FBXL7: variants seen among roughly 807,000 people sequenced by gnomAD.
The protein encoded by FBXL7 is F-box and leucine rich repeat protein 7, also known as F-box/LRR-repeat protein 7.
Under a neutral mutation model 38.3 loss-of-function variants are expected in FBXL7, and 12 were observed. The observed-to-expected ratio is 0.31, with a 90% CI of 0.20 to 0.51. FBXL7 has a LOEUF of 0.51. FBXL7 is among the 20% of genes least tolerant of loss of function. FBXL7 has a pLI of 0.98. For synonymous variants in FBXL7, 297 were observed against 300.9 expected (o/e 0.99, Z 0.13); for missense variants, 567 against 676.4 (o/e 0.84, Z 1.79).
chr5:15,643,947 A>T (rs1486407449), intron 2 of FBXL7, among the ~76,000 whole-genome samples: 2 of 152,176 alleles, frequency 1.3e-5, no homozygotes, highest in East Asian at 3.9e-4. Context: ...TAAAGCCAAG[A>T]TAAATGATTT....
At chr5:15,765,676 C>T (rs1054624070) in intron 2 of FBXL7, among the ~76,000 whole-genome samples, 1 of 152,156 alleles carries the variant, frequency 6.6e-6, no homozygotes, top group Non-Finnish European at 1.5e-5. Context: ...GGGTAAGTGG[C>T]ACCATGCTTC....
chr5:15,612,711 C>T (rs544729591), intron 1 of FBXL7, among the ~76,000 whole-genome samples: 2 of 152,070 alleles, frequency 1.3e-5, no homozygotes, highest in Non-Finnish European at 2.9e-5. Flanking sequence ...AAAATGTGCC[C>T]GATACAGTCA....
chr5:15,760,959 A>G (rs1309695483), intron 2 of FBXL7, among the ~76,000 whole-genome samples: 1 of 152,150 alleles, frequency 6.6e-6, no homozygotes, highest in Non-Finnish European at 1.5e-5. Flanking sequence ...AAGCAGTCCC[A>G]TATTTCAGAG....
chr5:15,616,567 A>G (rs76684306), intron 2 of FBXL7, among the ~76,000 whole-genome samples: 6,880 of 152,236 alleles, frequency 0.045, 237 homozygotes, highest in African/African-American at 0.078. Flanking sequence ...TTATTAAAGA[A>G]TATGTAAGAG....
At chr5:15,739,814 A>T (rs538416650) in intron 2 of FBXL7, among the ~76,000 whole-genome samples, 1 of 152,158 alleles carries the variant, frequency 6.6e-6, no homozygotes, top group Non-Finnish European at 1.5e-5. Context: ...TTTTGGCTTT[A>T]ATGAGTATTA....
intron 2 of FBXL7, among the ~76,000 whole-genome samples, chr5:15,621,888 T>G (rs558501684): frequency 4.3e-4 from 65 of 152,350 alleles, no homozygotes; most frequent in Non-Finnish European, 3.4e-4. Context: ...TGTCAATTTT[T>G]GGATCCAATA....
intron 2 of FBXL7, among the ~76,000 whole-genome samples, chr5:15,779,555 G>A (rs1387969991): frequency 6.6e-6 from 1 of 152,006 alleles, no homozygotes; most frequent in Non-Finnish European, 1.5e-5. Flanking sequence ...GTCTCCAAGA[G>A]GTGACTTTTC....
intron 2 of FBXL7, among the ~76,000 whole-genome samples, chr5:15,879,268 T>C (rs1161595899): frequency 1.3e-5 from 2 of 152,214 alleles, no homozygotes; most frequent in Non-Finnish European, 2.9e-5. Context: ...TGATTCTCAG[T>C]TGTGAAGGGA....
At chr5:15,609,867 C>T (rs554183307) in intron 1 of FBXL7, among the ~76,000 whole-genome samples, 1 of 152,256 alleles carries the variant, frequency 6.6e-6, no homozygotes, top group South Asian at 2.1e-4. Context: ...TAGAGTTGCT[C>T]TCTGTATTAG....
intron 2 of FBXL7, among the ~76,000 whole-genome samples, chr5:15,927,234 A>G (rs1741898494): frequency 1.3e-5 from 2 of 152,124 alleles, no homozygotes; most frequent in African/African-American, 4.8e-5. Context: ...TTTGCACAAC[A>G]GTGGCAGGGC....
At chr5:15,740,426 T>G (rs1735865790) in intron 2 of FBXL7, among the ~76,000 whole-genome samples, 1 of 152,202 alleles carries the variant, frequency 6.6e-6, no homozygotes, top group Non-Finnish European at 1.5e-5. Context: ...ACAAATGAAC[T>G]ATCTTTAAAA....
At chr5:15,571,817 C>T (rs1738796931) in intron 1 of FBXL7, among the ~76,000 whole-genome samples, 1 of 152,026 alleles carries the variant, frequency 6.6e-6, no homozygotes, top group African/African-American at 2.4e-5. Flanking sequence ...GCCGTGCCGT[C>T]GCAGATGCCA....
intron 2 of FBXL7, among the ~76,000 whole-genome samples, chr5:15,874,135 A>C (rs1740096766): frequency 6.6e-6 from 1 of 152,200 alleles, no homozygotes; most frequent in Non-Finnish European, 1.5e-5. Context: ...CAATAAACGT[A>C]ATCCATCACA....
chr5:15,587,612 T>G (rs745907226), intron 1 of FBXL7, among the ~76,000 whole-genome samples: 1 of 152,176 alleles, frequency 6.6e-6, no homozygotes, highest in Non-Finnish European at 1.5e-5. Context: ...CTGTGAGTTA[T>G]GTATGAGTCT....
chr5:15,629,336 C>T (rs190916971), intron 2 of FBXL7, among the ~76,000 whole-genome samples: 4 of 152,208 alleles, frequency 2.6e-5, no homozygotes, highest in East Asian at 3.9e-4. Context: ...TTCCTGCTGC[C>T]GTGGGCTCAC....
rs536029986 is a variant in FBXL7, at chr5:15,531,445, A to C, written c.37+30732A>C. The stretch of plus-strand genomic sequence containing the variant: ...TAGAGACTTTATATTTACATGAAAG[A>C]CAACTCTAAAATTTAATGTCAAAGT... On this transcript the variant is annotated intron_variant, in intron 1 of 3. Transcript: ENST00000504595. Among the ~76,000 whole-genome samples, 3 of 152,364 alleles carry C rather than the reference A, an allele frequency of 2.0e-5. No homozygotes were observed. The East Asian group carries it at 5.8e-4, about 29-fold the overall frequency.
At chr5:15,714,524 A>G (rs1743979077) in intron 2 of FBXL7, among the ~76,000 whole-genome samples, 1 of 150,258 alleles carries the variant, frequency 6.7e-6, no homozygotes, top group African/African-American at 2.5e-5. Context: ...ACAATGTACA[A>G]TATGGAATAC....
At chr5:15,622,068 AAAAC>A (rs1388885032) in intron 2 of FBXL7, among the ~76,000 whole-genome samples, 2 of 152,156 alleles carry the variant, frequency 1.3e-5, no homozygotes, top group Non-Finnish European at 2.9e-5. Context: ...ATTTTGTTAT[AAAAC>A]ATGATAAAAT....
At chr5:15,683,687 C>A (rs1448890194) in intron 2 of FBXL7, among the ~76,000 whole-genome samples, 4 of 152,100 alleles carry the variant, frequency 2.6e-5, no homozygotes, top group Non-Finnish European at 5.9e-5. Flanking sequence ...GGGGGAGGCC[C>A]GGACCTTAAG....
Sources: gnomAD v4.1 joint callset for allele counts (sites outside exome capture counted in the v4.1 genomes callset) on GRCh38, gnomAD v4.1.1 for gene constraint, MANE v1.5 for transcripts, NCBI Gene and HGNC (gene_info 2026-07-23, HGNC 2026-07-21) for gene names.